LIFR: variants seen among roughly 807,000 people sequenced by gnomAD.
LIFR encodes the protein LIF receptor subunit alpha.
LIFR carries 84 observed loss-of-function variants against 122.2 expected under a neutral mutation model. The observed-to-expected ratio is 0.69, with a 90% CI of 0.58 to 0.82. The LOEUF (loss-of-function observed/expected upper bound fraction) is 0.82. Among genes scored for constraint, LIFR ranks in the 40% least tolerant of loss-of-function variants. LIFR has a pLI of 0.00. For missense variants in LIFR, 1,294 were observed against 1,311.6 expected, an observed-to-expected ratio of 0.99 and a Z score of 0.21; for synonymous variants, 422 against 434.7, an observed-to-expected ratio of 0.97 and a Z score of 0.36.
chr5:38,546,380 C>G (rs1747895053), intron 1 of LIFR, among the ~76,000 whole-genome samples: 1 of 152,050 alleles, frequency 6.6e-6, no homozygotes, highest in Non-Finnish European at 1.5e-5. Flanking sequence ...CAGGCTTTGC[C>G]TTTAGATGTG....
intron 1 of LIFR, among the ~76,000 whole-genome samples, chr5:38,567,357 A>G (rs1277721152): frequency 1.3e-5 from 2 of 152,072 alleles, no homozygotes; most frequent in African/African-American, 4.8e-5. Context: ...TTGCTGTTAC[A>G]TGAGCCAATA....
At chr5:38,512,618 T>A (rs1483263072) in intron 5 of LIFR, among the ~76,000 whole-genome samples, 3 of 152,004 alleles carry the variant, frequency 2.0e-5, no homozygotes, top group African/African-American at 7.2e-5. Flanking sequence ...CCAGCCTGGG[T>A]GGCAGAATGA....
chr5:38,546,344 T>C (rs1747893064), intron 1 of LIFR, among the ~76,000 whole-genome samples: 1 of 152,192 alleles, frequency 6.6e-6, no homozygotes, highest in Non-Finnish European at 1.5e-5. Context: ...GGCAAAGAAA[T>C]GTTACCTACC....
At chr5:38,487,173 CCT>C (rs1283999975) in intron 16 of LIFR, among the ~76,000 whole-genome samples, 1 of 152,206 alleles carries the variant, frequency 6.6e-6, no homozygotes, top group Non-Finnish European at 1.5e-5. Flanking sequence ...CTCTCTCTCC[CCT>C]GTGGCTTCCT....
intron 7 of LIFR, 141 bp downstream of exon 7, chr5:38,510,323 T>G: frequency 5.2e-6 from 4 of 771,122 alleles, no homozygotes; most frequent in Non-Finnish European, 6.4e-6. Flanking sequence ...AGTGCCTTTG[T>G]ATAGCCTTTA....
At chr5:38,511,296 T>C (rs1411258681) in intron 6 of LIFR, among the ~76,000 whole-genome samples, 1 of 152,144 alleles carries the variant, frequency 6.6e-6, no homozygotes, top group Non-Finnish European at 1.5e-5. Context: ...CAGGATTTCA[T>C]TTTATGGTCA....
chr5:38,541,415 G>GT (rs1406045856), intron 1 of LIFR, among the ~76,000 whole-genome samples: 1 of 152,186 alleles, frequency 6.6e-6, no homozygotes, highest in African/African-American at 2.4e-5. Context: ...TTGATAAGCT[G>GT]TTGTACTGGG....
intron 16 of LIFR, among the ~76,000 whole-genome samples, chr5:38,488,657 T>C (rs1580008232): frequency 6.6e-6 from 1 of 152,226 alleles, no homozygotes. Flanking sequence ...AAGACGCTAA[T>C]AGGCCAATGG....
chr5:38,510,386 C>A (rs74946482), intron 7 of LIFR, 78 bp downstream of exon 7: 85 of 1,280,818 alleles, frequency 6.6e-5, no homozygotes, highest in Admixed American at 1.7e-4. Flanking sequence ...CCCACCCCCC[C>A]ACTCCAGAAG....
At chr5:38,488,385 C>T (rs1030925112) in intron 16 of LIFR, among the ~76,000 whole-genome samples, 16 of 152,236 alleles carry the variant, frequency 1.1e-4, no homozygotes, top group Admixed American at 6.5e-4. Flanking sequence ...CTTTCTGAGG[C>T]GAGGTCATCC....
intron 1 of LIFR, among the ~76,000 whole-genome samples, chr5:38,591,546 CTA>C (rs1488516494): frequency 6.6e-6 from 1 of 152,094 alleles, no homozygotes; most frequent in Non-Finnish European, 1.5e-5. Context: ...GGCTTAATGA[CTA>C]TGTTTATTTC....
At chr5:38,525,324 T>C (rs979288680) in intron 4 of LIFR, among the ~76,000 whole-genome samples, 3 of 152,162 alleles carry the variant, frequency 2.0e-5, no homozygotes, top group East Asian at 3.9e-4. Flanking sequence ...AAGAAATCCA[T>C]AGACTCACCC....
intron 14 of LIFR, among the ~76,000 whole-genome samples, chr5:38,491,126 C>A (rs1349864155): frequency 6.6e-6 from 1 of 152,140 alleles, no homozygotes; most frequent in Non-Finnish European, 1.5e-5. Flanking sequence ...TATAACATCA[C>A]CATTAAGTGT....
chr5:38,522,914 C>T (rs1746477989), intron 5 of LIFR, among the ~76,000 whole-genome samples: 1 of 151,958 alleles, frequency 6.6e-6, no homozygotes, highest in African/African-American at 2.4e-5. Context: ...TCAAACTTTT[C>T]ATAAATGTTG....
intron 5 of LIFR, among the ~76,000 whole-genome samples, chr5:38,515,597 A>G: frequency 6.7e-6 from 1 of 150,232 alleles, no homozygotes; most frequent in East Asian, 2.0e-4. Context: ...CTGCGGGGAG[A>G]AGGAGGGAGA....
chr5:38,551,074 T>G (rs1748176522), intron 1 of LIFR, among the ~76,000 whole-genome samples: 1 of 152,146 alleles, frequency 6.6e-6, no homozygotes, highest in Admixed American at 6.5e-5. Context: ...CCAGGCAACT[T>G]CAAGGAATAA....
rs1273075818 is a variant in LIFR at position 38,499,582 on chromosome 5, A to C, written c.1602T>G (p.Ser534Arg). Residue 534 changes from serine to arginine, a missense_variant and splice_region_variant, in exon 12 of 20, where the codon AGT becomes AGG. Coordinates refer to ENST00000453190, the MANE Select transcript of LIFR (RefSeq NM_001127671.2). ...TCCAAGTATCAGGCCCCTTTGAAGG[A>C]CCTAAAAAGGAGATTTTAAAGTTAA... ...NKKQHLTTEA[S>R]PSKGPDTWRE... 2.5e-6 allele frequency: 4 copies of C among 1,602,580 alleles called. No individual in the cohort carries two copies. Among genetic ancestry groups the C allele is most frequent in the Non-Finnish European group, 2.6e-6 (3 of 1,169,558 alleles).
intron 1 of LIFR, among the ~76,000 whole-genome samples, chr5:38,582,049 T>G (rs1003444485): frequency 4.5e-5 from 6 of 134,798 alleles, no homozygotes; most frequent in Admixed American, 1.6e-4. Flanking sequence ...GACCACTTCT[T>G]TTTTTTTCCT....
At chr5:38,497,690 G>C (rs1171371922) in intron 12 of LIFR, among the ~76,000 whole-genome samples, 1 of 151,932 alleles carries the variant, frequency 6.6e-6, no homozygotes, top group African/African-American at 2.4e-5. Context: ...TTTCTTTCAA[G>C]TTGTTTTTCT....
Sources: allele counts gnomAD v4.1 joint callset (sites outside exome capture counted in the v4.1 genomes callset), GRCh38; gene constraint gnomAD v4.1.1; transcripts MANE v1.5; gene names NCBI Gene and HGNC (gene_info 2026-07-23, HGNC 2026-07-21).